Variants in SGCZ observed in about 807,000 individuals in gnomAD.
The protein encoded by SGCZ is sarcoglycan zeta, also known as zeta-sarcoglycan.
Under a neutral mutation model 41.3 loss-of-function variants are expected in SGCZ, and 40 were observed. That is an observed-to-expected ratio of 0.97 (90% confidence interval 0.75 to 1.26). The LOEUF (loss-of-function observed/expected upper bound fraction) is 1.26, where lower values mean the gene tolerates loss of function less well. Ranked by LOEUF, SGCZ falls within the 50% of genes most tolerant of loss-of-function variation. The pLI, the probability that SGCZ is intolerant of heterozygous loss-of-function variation, is 0.00. For missense variants in SGCZ, 552 were observed against 369.8 expected, an observed-to-expected ratio of 1.49 and a Z score of -4.04; for synonymous variants, 206 against 137.5, an observed-to-expected ratio of 1.50 and a Z score of -3.49.
At chr8:15,036,497 C>T (rs1433749276) in intron 1 of SGCZ, among the ~76,000 whole-genome samples, 1 of 151,946 alleles carries the variant, frequency 6.6e-6, no homozygotes, top group Admixed American at 6.6e-5. Flanking sequence ...GTACAACAAA[C>T]CCCCATGATA....
intron 1 of SGCZ, among the ~76,000 whole-genome samples, chr8:14,965,818 A>C (rs1298070266): frequency 6.6e-6 from 1 of 152,136 alleles, no homozygotes; most frequent in Non-Finnish European, 1.5e-5. Flanking sequence ...CATATCTTTC[A>C]AGATATATCA....
chr8:14,683,244 G>C (rs1220166971), intron 1 of SGCZ, among the ~76,000 whole-genome samples: 1 of 152,024 alleles, frequency 6.6e-6, no homozygotes, highest in Non-Finnish European at 1.5e-5. Context: ...AAATGCTTAC[G>C]ATTACAATCC....
chr8:15,185,774 G>C (rs1373590834), intron 1 of SGCZ, among the ~76,000 whole-genome samples: 1 of 152,066 alleles, frequency 6.6e-6, no homozygotes, highest in Non-Finnish European at 1.5e-5. Flanking sequence ...GTAATCTAAA[G>C]CCTCAAGATC....
At chr8:14,161,860 C>T (rs922207784) in intron 5 of SGCZ, among the ~76,000 whole-genome samples, 1 of 152,112 alleles carries the variant, frequency 6.6e-6, no homozygotes, top group Non-Finnish European at 1.5e-5. Flanking sequence ...TCTATACATA[C>T]AGTCACATAA....
chr8:14,139,213 T>C (rs1260292742), intron 5 of SGCZ, among the ~76,000 whole-genome samples: 1 of 152,046 alleles, frequency 6.6e-6, no homozygotes, highest in Admixed American at 6.5e-5. Context: ...GGGAAATTTA[T>C]AGCACTAAAA....
chr8:14,605,191 GCAAA>G (rs113020188), intron 1 of SGCZ, among the ~76,000 whole-genome samples: 2,442 of 152,142 alleles, frequency 0.016, 23 homozygotes, highest in Middle Eastern at 0.048. Flanking sequence ...AAAGTAACAA[GCAAA>G]CAGTGACTCC....
chr8:14,400,662 A>C (rs1021940214), intron 2 of SGCZ, among the ~76,000 whole-genome samples: 1 of 152,186 alleles, frequency 6.6e-6, no homozygotes, highest in Non-Finnish European at 1.5e-5. Flanking sequence ...CATGTCTTAA[A>C]TATTTTATGA....
At chr8:14,910,213 T>C (rs191689503) in intron 1 of SGCZ, among the ~76,000 whole-genome samples, 394 of 152,248 alleles carry the variant, frequency 2.6e-3, no homozygotes, top group African/African-American at 9.1e-3. Flanking sequence ...TTTAATCATT[T>C]GTTAAATTTG....
intron 1 of SGCZ, among the ~76,000 whole-genome samples, chr8:14,963,496 C>A (rs1801033701): frequency 6.6e-6 from 1 of 151,882 alleles, no homozygotes; most frequent in Admixed American, 6.6e-5. Flanking sequence ...GTGCCACCAC[C>A]CTGGCTACAT....
intron 1 of SGCZ, among the ~76,000 whole-genome samples, chr8:14,808,744 A>G (rs199875483): frequency 0.12 from 18,771 of 151,114 alleles, 1,760 homozygotes; most frequent in African/African-American, 0.26. Context: ...ATACCCAAAG[A>G]ACTATAAATC....
At chr8:15,208,443 T>G (rs1801138085) in intron 1 of SGCZ, among the ~76,000 whole-genome samples, 1 of 152,228 alleles carries the variant, frequency 6.6e-6, no homozygotes, top group Non-Finnish European at 1.5e-5. Context: ...TTTCCAGAAA[T>G]GAGTTTATAA....
intron 2 of SGCZ, among the ~76,000 whole-genome samples, chr8:14,430,560 C>T (rs531168025): frequency 3.7e-4 from 56 of 151,932 alleles, no homozygotes; most frequent in Non-Finnish European, 7.6e-4. Context: ...TAATAAAAGC[C>T]CCGTATAACA....
intron 3 of SGCZ, among the ~76,000 whole-genome samples, chr8:14,288,049 T>C (rs1469488579): frequency 2.0e-5 from 3 of 152,110 alleles, no homozygotes; most frequent in Admixed American, 2.0e-4. Context: ...GGAGAACTAT[T>C]CTTTGAGATA....
chr8:14,456,333 G>A (rs753653774), intron 2 of SGCZ, among the ~76,000 whole-genome samples: 1 of 152,086 alleles, frequency 6.6e-6, no homozygotes, highest in Non-Finnish European at 1.5e-5. Flanking sequence ...ACTTGAACCC[G>A]GGAGGCAGAG....
chr8:15,231,133 G>C (rs1392165746), intron 1 of SGCZ, among the ~76,000 whole-genome samples: 1 of 152,130 alleles, frequency 6.6e-6, no homozygotes, highest in African/African-American at 2.4e-5. Flanking sequence ...ATTTTAGCGT[G>C]GGGTGACTGT....
chr8:15,126,360 T>C (rs1807679916), intron 1 of SGCZ, among the ~76,000 whole-genome samples: 1 of 152,224 alleles, frequency 6.6e-6, no homozygotes, highest in Non-Finnish European at 1.5e-5. Context: ...CTCTACCCGT[T>C]ATTCCATAGA....
chr8:14,174,444 A>T (rs571623236), intron 4 of SGCZ, among the ~76,000 whole-genome samples: 2 of 152,120 alleles, frequency 1.3e-5, no homozygotes, highest in Non-Finnish European at 2.9e-5. Flanking sequence ...CTTCTAATTT[A>T]AATTTACTGG....
chr8:14,571,447 C>G (rs564458878), intron 1 of SGCZ, among the ~76,000 whole-genome samples: 5 of 152,158 alleles, frequency 3.3e-5, no homozygotes, highest in Non-Finnish European at 5.9e-5. Flanking sequence ...GCTGAGTATA[C>G]AGATCTGGCT....
chr8:14,724,767 A>G (rs1423527084), intron 1 of SGCZ, among the ~76,000 whole-genome samples: 3 of 152,122 alleles, frequency 2.0e-5, no homozygotes, highest in African/African-American at 7.2e-5. Context: ...ATTTTAATAT[A>G]AGCATATAAT....
Sources: allele counts gnomAD v4.1 joint callset (sites outside exome capture counted in the v4.1 genomes callset), GRCh38; gene constraint gnomAD v4.1.1; transcripts MANE v1.5; gene names NCBI Gene and HGNC (gene_info 2026-07-23, HGNC 2026-07-21).